The following FAM153A variants were observed in gnomAD, a reference collection of about 807,000 sequenced individuals.
FAM153A encodes protein FAM153A.
A neutral mutation model predicts 48.1 loss-of-function variants in FAM153A; 12 were observed. The observed-to-expected ratio is 0.25, with a 90% CI of 0.16 to 0.40. The LOEUF (loss-of-function observed/expected upper bound fraction) is 0.40. Among genes scored for constraint, FAM153A ranks in the 10% least tolerant of loss-of-function variants. FAM153A has a pLI of 1.00. For missense variants in FAM153A, 111 were observed against 345.8 expected, an observed-to-expected ratio of 0.32 and a Z score of 5.38; for synonymous variants, 36 against 118.2, an observed-to-expected ratio of 0.30 and a Z score of 4.51.
the FAM153A span, among the ~76,000 whole-genome samples, chr5:177,697,921 A>G: frequency 7.1e-6 from 1 of 140,898 alleles, no homozygotes; most frequent in Non-Finnish European, 1.6e-5. Context: ...TCCCCCATCT[A>G]AGTTGATACC....
intron 24 of FAM153A, among the ~76,000 whole-genome samples, chr5:177,716,960 G>A (rs989035669): frequency 4.5e-5 from 3 of 67,122 alleles, no homozygotes; most frequent in Non-Finnish European, 9.0e-5. Context: ...CACCATTCCC[G>A]CTTAGTGTGT....
the FAM153A span, among the ~76,000 whole-genome samples, chr5:177,698,899 C>G: frequency 2.0e-4 from 31 of 151,878 alleles, no homozygotes; most frequent in African/African-American, 7.3e-4. Flanking sequence ...CTCAAGTGAT[C>G]TCCTGCCTCA....
upstream of FAM153A, among the ~76,000 whole-genome samples, chr5:177,753,880 A>G (rs1767368418): frequency 6.6e-6 from 1 of 151,934 alleles, no homozygotes; most frequent in Admixed American, 6.5e-5. Context: ...CCGAATAGAA[A>G]CAGCTCCAGT....
chr5:177,773,946 GC>G (rs1769270852), intron 1 of FAM153A, among the ~76,000 whole-genome samples: 1 of 103,616 alleles, frequency 9.7e-6, no homozygotes, highest in Non-Finnish European at 1.9e-5. Flanking sequence ...GAGAGTGGGG[GC>G]CAATATTCAA....
chr5:177,734,893 G>C (rs763344782), exon 13 of FAM153A: 1 of 1,492,780 alleles, frequency 6.7e-7, no homozygotes, highest in Non-Finnish European at 9.2e-7. Context: ...CCTCCTCACC[G>C]TTGTAACTGG....
chr5:177,709,640 C>T (rs1477667427), downstream of FAM153A, among the ~76,000 whole-genome samples: 4 of 144,814 alleles, frequency 2.8e-5, no homozygotes, highest in Admixed American at 1.4e-4. Context: ...GGATTACAGG[C>T]GTCAGCCACT....
chr5:177,761,389 T>C (rs1291983085), intron 1 of FAM153A, among the ~76,000 whole-genome samples: 1 of 151,468 alleles, frequency 6.6e-6, no homozygotes, highest in Admixed American at 6.6e-5. Context: ...CTTGTGAGGG[T>C]CACCAGGCCC....
At chr5:177,736,924 A>G in intron 11 of FAM153A, 118 bp downstream of exon 13, 1 of 1,000,104 alleles carries the variant, frequency 1.0e-6, no homozygotes, top group East Asian at 3.0e-5. Flanking sequence ...TTGCCCACCA[A>G]GAAATTCTGT....
chr5:177,734,808 A>T (rs1764432708), intron 13 of FAM153A, 55 bp downstream of exon 15: 1 of 1,607,252 alleles, frequency 6.2e-7, no homozygotes, highest in Non-Finnish European at 8.5e-7. Context: ...TAATCCAAAT[A>T]AGATAAAGCT....
At chr5:177,702,532 G>A in the FAM153A span, among the ~76,000 whole-genome samples, 1 of 151,946 alleles carries the variant, frequency 6.6e-6, no homozygotes, top group Non-Finnish European at 1.5e-5. Flanking sequence ...ATTTGCATAC[G>A]TAAAAAGGTG....
chr5:177,738,907 A>G (rs981983530), intron 10 of FAM153A, among the ~76,000 whole-genome samples: 5 of 150,710 alleles, frequency 3.3e-5, no homozygotes, highest in South Asian at 2.1e-4. Context: ...ACCTCATTCG[A>G]TTTCATAGAA....
intron 25 of FAM153A, among the ~76,000 whole-genome samples, chr5:177,715,038 G>A (rs1759379316): frequency 7.2e-6 from 1 of 138,426 alleles, no homozygotes; most frequent in Non-Finnish European, 1.6e-5. Flanking sequence ...TTTTGCCTGA[G>A]TAAAAAACAA....
chr5:177,703,427 T>C (rs1171488771), downstream of FAM153A, among the ~76,000 whole-genome samples: 2 of 151,324 alleles, frequency 1.3e-5, no homozygotes, highest in South Asian at 2.1e-4. Flanking sequence ...TGTTTTTGAT[T>C]TTACAGACCT....
At chr5:177,749,248 C>A (rs1766504692) in intron 2 of FAM153A, among the ~76,000 whole-genome samples, 1 of 151,518 alleles carries the variant, frequency 6.6e-6, no homozygotes, top group South Asian at 2.1e-4. Flanking sequence ...TCTTACTTCC[C>A]ACCTTAGGAA....
chr5:177,697,997 C>A, the FAM153A span, among the ~76,000 whole-genome samples: 1 of 150,680 alleles, frequency 6.6e-6, no homozygotes, highest in African/African-American at 2.5e-5. Context: ...GTAGCTGTGG[C>A]TGACATTTGG....
chr5:177,705,751 C>A (rs1465485152), downstream of FAM153A, among the ~76,000 whole-genome samples: 7 of 143,890 alleles, frequency 4.9e-5, no homozygotes, highest in African/African-American at 1.8e-4. Context: ...CCTCTGCTTC[C>A]TGGGTTCAAG....
At chr5:177,743,187 CTTGTTT>C (rs1765549334) in intron 6 of FAM153A, among the ~76,000 whole-genome samples, 1 of 77,902 alleles carries the variant, frequency 1.3e-5, no homozygotes, top group Admixed American at 1.5e-4. Flanking sequence ...ACTGCATTCA[CTTGTTT>C]TTTTTTTGTT....
chr5:177,739,815 T>C, intron 8 of FAM153A, 145 bp from the exon 11 acceptor site: 1 of 104,878 alleles, frequency 9.5e-6, no homozygotes. Context: ...TCCTTGGTGG[T>C]GCAGGCAGGC....
intron 13 of FAM153A, 105 bp downstream of exon 15, chr5:177,734,758 G>GT (rs1230443598): frequency 6.2e-7 from 1 of 1,601,204 alleles, no homozygotes; most frequent in Non-Finnish European, 8.5e-7. Flanking sequence ...AGGACACTGT[G>GT]TAACTAAGAT....
Sources: gnomAD v4.1 joint callset for allele counts (sites outside exome capture counted in the v4.1 genomes callset) on GRCh38, gnomAD v4.1.1 for gene constraint, MANE v1.5 for transcripts, NCBI Gene and HGNC (gene_info 2026-07-23, HGNC 2026-07-21) for gene names.